The following HIPK2 variants were observed in gnomAD, a reference collection of about 807,000 sequenced individuals.
The protein encoded by HIPK2 is homeodomain-interacting protein kinase 2.
Under a neutral mutation model 113.7 loss-of-function variants are expected in HIPK2, and 27 were observed. The ratio of observed to expected loss-of-function variants is 0.24; its 90% CI spans 0.17 to 0.33. HIPK2 has a LOEUF of 0.33. Ranked by LOEUF, HIPK2 falls within the 10% of genes least tolerant of loss-of-function variation. HIPK2 has a pLI of 1.00. For synonymous variants in HIPK2, 631 were observed against 642.2 expected (o/e 0.98, Z 0.26); for missense variants, 1,257 against 1,588.0 (o/e 0.79, Z 3.54).
At chr7:139,665,169 C>T (rs1439822413) in intron 2 of HIPK2, among the ~76,000 whole-genome samples, 1 of 152,174 alleles carries the variant, frequency 6.6e-6, no homozygotes, top group African/African-American at 2.4e-5. Context: ...TCCTGAGTAG[C>T]GGGGACTGCA....
At chr7:139,628,248 T>G (rs1326608387) in intron 5 of HIPK2, among the ~76,000 whole-genome samples, 1 of 152,170 alleles carries the variant, frequency 6.6e-6, no homozygotes, top group Non-Finnish European at 1.5e-5. Context: ...CCTCCAGAAC[T>G]GTGGGGGAAT....
chr7:139,706,963 C>A (rs1794918138), intron 2 of HIPK2, among the ~76,000 whole-genome samples: 1 of 152,176 alleles, frequency 6.6e-6, no homozygotes, highest in Non-Finnish European at 1.5e-5. Context: ...CTGCTCAAGC[C>A]CACTCAGTCC....
chr7:139,703,905 A>C (rs1320657051), intron 2 of HIPK2, among the ~76,000 whole-genome samples: 1 of 131,092 alleles, frequency 7.6e-6, no homozygotes, highest in African/African-American at 3.0e-5. Flanking sequence ...AACACATACT[A>C]CACCCAACAC....
intron 2 of HIPK2, among the ~76,000 whole-genome samples, chr7:139,636,241 G>A (rs935499856): frequency 2.6e-5 from 4 of 151,690 alleles, no homozygotes; most frequent in Admixed American, 6.6e-5. Flanking sequence ...TATCTGTCCC[G>A]CCTCTCTGCT....
At position 139,570,488 on chromosome 7, in the gene HIPK2, C is replaced by G. The variant is rs1016040136; in HGVS notation, c.*2439G>C. On this transcript the variant is annotated 3_prime_UTR_variant, in exon 15 of 15. Transcript: ENST00000406875. ...CCAGCAGGCACTTGGCAAGACTGCC[C>G]GGCTGTGCCCAGCATGGAGCAGTCA... The G allele has an allele frequency of 6.6e-6, 1 of 152,252 alleles. No homozygotes were observed. The highest frequency in any genetic ancestry group is 2.4e-5 in the African/African-American group (1 of 41,458). 9.4% of individuals were successfully genotyped at this position (152,252 alleles called of 1,614,324 possible). A position where few individuals can be genotyped will look rare whatever the true frequency, so the allele number is the denominator to read the frequency against.
At chr7:139,588,681 G>A (rs1798917921) in intron 12 of HIPK2, among the ~76,000 whole-genome samples, 1 of 152,280 alleles carries the variant, frequency 6.6e-6, no homozygotes, top group South Asian at 2.1e-4. Flanking sequence ...GGAGGCTGAG[G>A]ACGAGGAGGG....
At chr7:139,680,190 G>C (rs1037148437) in intron 2 of HIPK2, among the ~76,000 whole-genome samples, 1 of 152,208 alleles carries the variant, frequency 6.6e-6, no homozygotes, top group Admixed American at 6.5e-5. Flanking sequence ...AGGTACCCGG[G>C]AATGTTCCCT....
rs1423509168 is a variant in HIPK2 at position 139,572,307 on chromosome 7, A to G, written c.*620T>C. The G allele has an allele frequency of 6.6e-6, 1 of 152,166 alleles. No individual in the cohort carries two copies. Among genetic ancestry groups the G allele is most frequent in the African/African-American group, 2.4e-5 (1 of 41,452 alleles). 9.4% of individuals were successfully genotyped at this position (152,166 alleles called of 1,614,324 possible). A position where few individuals can be genotyped will look rare whatever the true frequency, so the allele number is the denominator to read the frequency against. ...GACTGGGCTTCGCCAATCCCACACC[A>G]GCTCCAAACATCAGCCTCCTCAGGC... is the stretch of plus-strand genomic sequence containing the variant. On this transcript the variant is annotated 3_prime_UTR_variant, in exon 15 of 15. Coordinates refer to ENST00000406875, the MANE Select transcript of HIPK2 (RefSeq NM_022740.5).
At chr7:139,629,450 G>C (rs1800539908) in intron 4 of HIPK2, among the ~76,000 whole-genome samples, 2 of 152,230 alleles carry the variant, frequency 1.3e-5, no homozygotes, top group Non-Finnish European at 2.9e-5. Flanking sequence ...CTACGTGCCA[G>C]ACATTGTTCT....
intron 1 of HIPK2, among the ~76,000 whole-genome samples, chr7:139,744,562 C>G (rs1796159476): frequency 6.6e-6 from 1 of 152,190 alleles, no homozygotes; most frequent in Non-Finnish European, 1.5e-5. Flanking sequence ...AGTGAACTTT[C>G]CGGTATGTGA....
intron 1 of HIPK2, among the ~76,000 whole-genome samples, chr7:139,729,260 G>A (rs575370319): frequency 3.3e-5 from 5 of 151,630 alleles, no homozygotes; most frequent in Admixed American, 2.0e-4. Flanking sequence ...GGGAGGTAGA[G>A]GTTGCAGCAA....
At chr7:139,638,656 C>CTTTTTTTTTTTTTTTTTTTTTT (rs1184555180) in intron 2 of HIPK2, among the ~76,000 whole-genome samples, 22 of 130,248 alleles carry the variant, frequency 1.7e-4, no homozygotes, top group African/African-American at 5.8e-4. Context: ...AAATAATTGT[C>CTTTTTTTTTTTTTTTTTTTTTT]TTTTTTTTTT....
intron 14 of HIPK2, among the ~76,000 whole-genome samples, chr7:139,573,862 A>T (rs1041396951): frequency 6.6e-6 from 1 of 151,844 alleles, no homozygotes; most frequent in African/African-American, 2.4e-5. Context: ...AAAAAAAAAA[A>T]ATTTACTTGG....
At chr7:139,755,140 T>A (rs1461865612) in intron 1 of HIPK2, among the ~76,000 whole-genome samples, 1 of 152,146 alleles carries the variant, frequency 6.6e-6, no homozygotes, top group African/African-American at 2.4e-5. Context: ...GCACACACCA[T>A]CAGCCTGGTC....
chr7:139,607,483 A>C (rs1158991531), intron 9 of HIPK2, among the ~76,000 whole-genome samples: 1 of 152,200 alleles, frequency 6.6e-6, no homozygotes, highest in African/African-American at 2.4e-5. Flanking sequence ...CAGTGTGCTC[A>C]AACACATCAA....
intron 1 of HIPK2, among the ~76,000 whole-genome samples, chr7:139,754,000 C>T (rs1257875022): frequency 6.6e-6 from 1 of 152,242 alleles, no homozygotes; most frequent in Non-Finnish European, 1.5e-5. Context: ...GCCTGTGGGG[C>T]TTCCACCTGA....
At chr7:139,752,519 G>A (rs1195298533) in intron 1 of HIPK2, among the ~76,000 whole-genome samples, 1 of 151,964 alleles carries the variant, frequency 6.6e-6, no homozygotes, top group Non-Finnish European at 1.5e-5. Flanking sequence ...CTTCTGAACT[G>A]CTGGAAACCA....
At chr7:139,581,374 G>T (rs531568041) in intron 13 of HIPK2, among the ~76,000 whole-genome samples, 1 of 152,210 alleles carries the variant, frequency 6.6e-6, no homozygotes, top group Admixed American at 6.5e-5. Flanking sequence ...TCAGGTCCCC[G>T]GGGTTCTGGC....
intron 1 of HIPK2, among the ~76,000 whole-genome samples, chr7:139,750,208 C>T (rs75659603): frequency 5.6e-4 from 86 of 152,282 alleles, no homozygotes; most frequent in Non-Finnish European, 2.5e-4. Flanking sequence ...AGGCTTTGTC[C>T]CTTGGAGTGG....
Sources: allele counts gnomAD v4.1 joint callset (sites outside exome capture counted in the v4.1 genomes callset), GRCh38; gene constraint gnomAD v4.1.1; transcripts MANE v1.5; gene names NCBI Gene and HGNC (gene_info 2026-07-23, HGNC 2026-07-21).